The following CMPK1 variants were observed in gnomAD, a reference collection of about 807,000 sequenced individuals.
The protein encoded by CMPK1 is cytidine/uridine monophosphate kinase 1, also known as UMP-CMP kinase.
In CMPK1, 10 loss-of-function variants were observed where a neutral mutation model predicts 25.7. The observed-to-expected ratio is 0.39, with a 90% confidence interval of 0.24 to 0.66. The LOEUF is 0.66. CMPK1 is among the 30% of genes least tolerant of loss of function. CMPK1 has a pLI of 0.48. For synonymous variants in CMPK1, 106 were observed against 101.5 expected, an observed-to-expected ratio of 1.04 and a Z score of -0.27; for missense variants, 199 against 280.5, an observed-to-expected ratio of 0.71 and a Z score of 2.08.
chr1:47,350,497 C>T (rs1646515424), intron 1 of CMPK1, among the ~76,000 whole-genome samples: 1 of 152,128 alleles, frequency 6.6e-6, no homozygotes, highest in Non-Finnish European at 1.5e-5. Flanking sequence ...AGTGATCTGC[C>T]TGTCTTAGCC....
At chr1:47,364,373 A>G (rs1219843107) in intron 1 of CMPK1, among the ~76,000 whole-genome samples, 3 of 152,024 alleles carry the variant, frequency 2.0e-5, no homozygotes, top group Non-Finnish European at 4.4e-5. Context: ...GCTGGCGTGC[A>G]GTGGCGCAAT....
chr1:47,340,374 C>T lies in CMPK1; in HGVS notation c.171+6258C>T, dbSNP rs577048920. The stretch of plus-strand genomic sequence containing the variant: ...CTAGTCTCAAACTCCTGGATTCAAA[C>T]GATCCTCCCACCTCAGTCTCCAAAG... On this transcript the variant is annotated intron_variant, in intron 1 of 5. Coordinates refer to ENST00000371873, the MANE Select transcript of CMPK1 (RefSeq NM_016308.3). Among the ~76,000 whole-genome samples the T allele has an allele frequency of 6.6e-5, 10 of 151,880 alleles. No individual in the cohort carries two copies. In the East Asian group the frequency reaches 1.7e-3, roughly 27 times the overall value.
chr1:47,366,267 T>A (rs930178176), intron 1 of CMPK1, among the ~76,000 whole-genome samples: 7 of 152,206 alleles, frequency 4.6e-5, no homozygotes, highest in Non-Finnish European at 7.3e-5. Flanking sequence ...TTGCTATGGT[T>A]TTGAGTGTTG....
At chr1:47,372,891 A>AC in intron 2 of CMPK1, 64 bp from the exon 3 acceptor site, 1 of 1,370,494 alleles carries the variant, frequency 7.3e-7, no homozygotes, top group Non-Finnish European at 9.9e-7. Context: ...TGTATACACT[A>AC]CCATGCTTGA....
rs190449455 is a variant in CMPK1 at position 47,349,535 on chromosome 1, T to C, written c.171+15419T>C. Among the ~76,000 whole-genome samples the C allele has an allele frequency of 6.7e-4, 102 of 152,306 alleles. 1 individual carries two copies. In the East Asian group the frequency reaches 0.012, roughly 18 times the overall value. ...CCAGTTACTATGAATATGTGTGCCT[T>C]CTTTGCTATTCTGTAGCGTACGAGT... On this transcript the variant is annotated intron_variant, in intron 1 of 5. Transcript: ENST00000371873.
At chr1:47,337,919 C>G (rs569135289) in intron 1 of CMPK1, among the ~76,000 whole-genome samples, 1 of 152,168 alleles carries the variant, frequency 6.6e-6, no homozygotes, top group Non-Finnish European at 1.5e-5. Flanking sequence ...CCTGGAATAT[C>G]TATTGTTAGT....
intron 1 of CMPK1, among the ~76,000 whole-genome samples, chr1:47,356,132 G>A (rs979473651): frequency 6.6e-6 from 1 of 152,106 alleles, no homozygotes; most frequent in Non-Finnish European, 1.5e-5. Context: ...TACTGTCATA[G>A]GGTTTTTACT....
intron 3 of CMPK1, among the ~76,000 whole-genome samples, chr1:47,373,894 A>T (rs185219650): frequency 4.0e-4 from 61 of 152,332 alleles, no homozygotes; most frequent in Admixed American, 1.6e-3. Flanking sequence ...TCTTTCTGGT[A>T]GTTCTAATAA....
chr1:47,333,849 C>G lies in CMPK1; in HGVS notation c.-97C>G. The G allele has an allele frequency of 1.2e-6, 1 of 840,344 alleles. No homozygotes were observed. Among genetic ancestry groups the G allele is most frequent in the Non-Finnish European group, 1.5e-6 (1 of 687,386 alleles). The allele number at this position is 840,344 out of a possible 1,614,324, so 52.1% of individuals were successfully genotyped here. ...ACGGCGGCGGGGCCGCGGCGGGCGCCGGCTCAGCCCGCCCCTTTCTCCCGC... is the reference window on the plus strand; with the variant it reads ...ACGGCGGCGGGGCCGCGGCGGGCGCGGGCTCAGCCCGCCCCTTTCTCCCGC... On this transcript the variant is annotated 5_prime_UTR_variant, in exon 1 of 6. Coordinates refer to ENST00000371873, the MANE Select transcript of CMPK1 (RefSeq NM_016308.3).
chr1:47,335,755 T>C (rs528247003), intron 1 of CMPK1, among the ~76,000 whole-genome samples: 9 of 151,958 alleles, frequency 5.9e-5, no homozygotes, highest in Non-Finnish European at 1.3e-4. Context: ...CTCTTTCTTT[T>C]GTTGTTTTTT....
intron 1 of CMPK1, among the ~76,000 whole-genome samples, chr1:47,365,542 G>A (rs1264869078): frequency 6.7e-6 from 1 of 148,548 alleles, no homozygotes; most frequent in Non-Finnish European, 1.5e-5. Context: ...GCTGAGGTGG[G>A]AGAATTGCTT....
At chr1:47,345,102 G>C (rs1646473107) in intron 1 of CMPK1, among the ~76,000 whole-genome samples, 1 of 151,808 alleles carries the variant, frequency 6.6e-6, no homozygotes. Context: ...ATTTTTAGCA[G>C]AGATGGGGTT....
intron 1 of CMPK1, among the ~76,000 whole-genome samples, chr1:47,334,669 C>A (rs1339046847): frequency 1.3e-5 from 2 of 152,164 alleles, no homozygotes; most frequent in African/African-American, 2.4e-5. Flanking sequence ...TGTGGGCTGC[C>A]GCTGGCACTC....
At chr1:47,349,354 T>G (rs1646506194) in intron 1 of CMPK1, among the ~76,000 whole-genome samples, 1 of 152,190 alleles carries the variant, frequency 6.6e-6, no homozygotes, top group Admixed American at 6.6e-5. Context: ...TTCTTTCCAG[T>G]AACTGGCAAG....
chr1:47,339,047 CT>C (rs397965092), intron 1 of CMPK1, among the ~76,000 whole-genome samples: 317 of 142,766 alleles, frequency 2.2e-3, no homozygotes, highest in Middle Eastern at 3.5e-3. Flanking sequence ...ACCCAGAAAA[CT>C]TTTTTTTTTT....
intron 1 of CMPK1, among the ~76,000 whole-genome samples, chr1:47,342,649 C>CTT (rs11334963): frequency 0.24 from 28,300 of 115,998 alleles, 3,777 homozygotes; most frequent in Non-Finnish European, 0.32. Context: ...TCTCTTTTTT[C>CTT]TTTTTTTTTT....
chr1:47,376,802 A>G lies in CMPK1; in HGVS notation c.*57A>G. ...CTTGAATATTGCTTTGATAGCTGCT[A>G]TCATGACCCCTTTTTAAGGCAATTC... On this transcript the variant is annotated 3_prime_UTR_variant, in exon 6 of 6. Coordinates refer to ENST00000371873, the MANE Select transcript of CMPK1 (RefSeq NM_016308.3). 1 of 956,256 alleles carries G rather than the reference A, an allele frequency of 1.0e-6. No individual in the cohort carries two copies. The highest frequency in any genetic ancestry group is 1.7e-6 in the Non-Finnish European group (1 of 604,938). 59.2% of individuals were successfully genotyped at this position (956,256 alleles called of 1,614,324 possible).
intron 1 of CMPK1, among the ~76,000 whole-genome samples, chr1:47,366,013 G>A (rs569996251): frequency 9.2e-5 from 14 of 152,146 alleles, no homozygotes; most frequent in Non-Finnish European, 1.9e-4. Context: ...GGCCAACATG[G>A]TAAAACCCCA....
intron 1 of CMPK1, among the ~76,000 whole-genome samples, chr1:47,346,512 T>C (rs564204481): frequency 1.3e-5 from 2 of 152,170 alleles, no homozygotes; most frequent in South Asian, 4.1e-4. Context: ...CTCTTTTTTT[T>C]TTCTTTTTTG....
Sources: gnomAD v4.1 joint callset for allele counts (sites outside exome capture counted in the v4.1 genomes callset) on GRCh38, gnomAD v4.1.1 for gene constraint, MANE v1.5 for transcripts, NCBI Gene and HGNC (gene_info 2026-07-23, HGNC 2026-07-21) for gene names.